ADISSP: variants seen among roughly 807,000 people sequenced by gnomAD.
The protein encoded by ADISSP is adipose secreted signaling protein, also known as adipose-secreted signaling protein.
At chr20:3,763,327 G>A in the ADISSP span, among the ~76,000 whole-genome samples, 3 of 151,702 alleles carry the variant, frequency 2.0e-5, no homozygotes, top group African/African-American at 7.3e-5. Context: ...GGAGGCTGAG[G>A]CGGGCGGATC....
chr20:3,767,965 C>T, the ADISSP span: 2 of 152,272 alleles, frequency 1.3e-5, no homozygotes, highest in African/African-American at 4.8e-5. Context: ...GGAAGACGGG[C>T]AGGCGGCCCA....
chr20:3,755,734 C>T, the ADISSP span: 7 of 729,256 alleles, frequency 9.6e-6, no homozygotes, highest in South Asian at 1.2e-4. Context: ...GAAAGCCCAA[C>T]TCCCTCCATC....
At chr20:3,764,619 T>A in the ADISSP span, among the ~76,000 whole-genome samples, 1 of 152,218 alleles carries the variant, frequency 6.6e-6, no homozygotes. Context: ...TCATTTGATA[T>A]CCCTCTTCCT....
At chr20:3,759,403 G>A in the ADISSP span, among the ~76,000 whole-genome samples, 19 of 152,184 alleles carry the variant, frequency 1.2e-4, no homozygotes, top group Non-Finnish European at 2.5e-4. This position sits in a 1 kb window ranked among gnomAD's most constrained non-coding sequence, Gnocchi z 4.6. Flanking sequence ...AAGGGCAGAC[G>A]GATGAGACAG....
the ADISSP span, chr20:3,753,958 C>T: frequency 2.2e-6 from 2 of 905,562 alleles, no homozygotes; most frequent in African/African-American, 1.6e-5. Flanking sequence ...CCCACACCCA[C>T]CCCAGAGAGG....
the ADISSP span, chr20:3,755,618 A>G: frequency 6.3e-7 from 1 of 1,590,100 alleles, no homozygotes; most frequent in Non-Finnish European, 8.6e-7. Context: ...CTACAGCAGG[A>G]GAGGTGAGGG....
At chr20:3,762,015 C>T in the ADISSP span, among the ~76,000 whole-genome samples, 4 of 152,116 alleles carry the variant, frequency 2.6e-5, no homozygotes, top group Non-Finnish European at 4.4e-5. Context: ...AGGCTGGGAA[C>T]GGTGGCTCAC....
the ADISSP span, among the ~76,000 whole-genome samples, chr20:3,762,451 AC>A: frequency 6.6e-6 from 1 of 151,990 alleles, no homozygotes; most frequent in Non-Finnish European, 1.5e-5. Flanking sequence ...GCTCACTGCC[AC>A]CGTAATCTCC....
At chr20:3,761,460 C>T in the ADISSP span, among the ~76,000 whole-genome samples, 1 of 152,042 alleles carries the variant, frequency 6.6e-6, no homozygotes, top group Non-Finnish European at 1.5e-5. Flanking sequence ...CTCAGCATCC[C>T]GAGTAGCTGG....
At chr20:3,756,440 G>A in the ADISSP span, among the ~76,000 whole-genome samples, 1 of 23,094 alleles carries the variant, frequency 4.3e-5, no homozygotes, top group African/African-American at 1.3e-4. Flanking sequence ...GGCTGGTGGG[G>A]GTGCCACGCC....
the ADISSP span, chr20:3,754,531 C>A: frequency 1.2e-6 from 2 of 1,604,826 alleles, no homozygotes; most frequent in Non-Finnish European, 1.7e-6. Context: ...TGCCCGGGGA[C>A]AGGGGCAATT....
chr20:3,754,195 C>G, the ADISSP span: 2 of 1,575,156 alleles, frequency 1.3e-6, no homozygotes, highest in South Asian at 1.1e-5. Flanking sequence ...CATGCTGGCC[C>G]CCGGCCCCAC....
chr20:3,759,579 C>T, the ADISSP span, among the ~76,000 whole-genome samples: 3 of 152,064 alleles, frequency 2.0e-5, no homozygotes, highest in Admixed American at 6.5e-5. This position sits in a 1 kb window ranked among gnomAD's most constrained non-coding sequence, Gnocchi z 4.6. Flanking sequence ...AGCTTTGAGC[C>T]GGCCTCTTGG....
chr20:3,757,502 G>A, the ADISSP span, among the ~76,000 whole-genome samples: 2 of 152,154 alleles, frequency 1.3e-5, no homozygotes, highest in Non-Finnish European at 2.9e-5. Context: ...TTTGCAATGA[G>A]GGGAGAGAGC....
the ADISSP span, among the ~76,000 whole-genome samples, chr20:3,756,446 ACGCCAGCAGGCAAAG>A: frequency 4.2e-5 from 1 of 23,728 alleles, no homozygotes; most frequent in Non-Finnish European, 1.4e-4. Context: ...TGGGGGTGCC[ACGCCAGCAGGCAAAG>A]GGTGCCTGCT....
the ADISSP span, chr20:3,754,491 C>T: frequency 7.6e-5 from 123 of 1,613,988 alleles, no homozygotes; most frequent in East Asian, 1.5e-3. Context: ...CCTCTTTGTG[C>T]GCCGAGTACT....
At chr20:3,758,510 T>A in the ADISSP span, 1 of 1,603,358 alleles carries the variant, frequency 6.2e-7, no homozygotes, top group Non-Finnish European at 8.5e-7. The surrounding 1 kb of genome is among the most constrained non-coding windows in gnomAD (Gnocchi z 5.5). Flanking sequence ...GGGAAGAAGC[T>A]GCTGATGGGG....
At chr20:3,755,018 G>C in the ADISSP span, among the ~76,000 whole-genome samples, 5 of 152,200 alleles carry the variant, frequency 3.3e-5, no homozygotes, top group African/African-American at 1.2e-4. Flanking sequence ...CCTAGCCTCT[G>C]CCAGGCTGGG....
the ADISSP span, among the ~76,000 whole-genome samples, chr20:3,757,833 G>A: frequency 3.3e-5 from 5 of 151,946 alleles, no homozygotes; most frequent in South Asian, 1.0e-3. Flanking sequence ...TCGACCCATT[G>A]GCCAGGCTAA....
Sources: gnomAD v4.1 joint callset for allele counts (sites outside exome capture counted in the v4.1 genomes callset) on GRCh38, gnomAD v4.1.1 for gene constraint, Gnocchi (gnomAD v3.1) non-coding constraint, MANE v1.5 for transcripts, NCBI Gene and HGNC (gene_info 2026-07-23, HGNC 2026-07-21) for gene names.